The following CERKL variants were observed in gnomAD, a reference collection of about 807,000 sequenced individuals.
CERKL encodes CERK like autophagy regulator, also known as ceramide kinase-like protein.
In CERKL, 61 loss-of-function variants were observed where a neutral mutation model predicts 63.4. That is an observed-to-expected ratio of 0.96 (90% CI 0.78 to 1.19). CERKL has a LOEUF of 1.19. CERKL is among the 50% of genes most tolerant of loss of function. The pLI is 0.00. For synonymous variants in CERKL, 250 were observed against 230.5 expected (o/e 1.08, Z -0.77); for missense variants, 675 against 655.5 (o/e 1.03, Z -0.33).
chr2:181,583,241 T>C (rs1472467438), intron 2 of CERKL, among the ~76,000 whole-genome samples: 1 of 151,920 alleles, frequency 6.6e-6, no homozygotes, highest in East Asian at 1.9e-4. Context: ...GGATGATCAA[T>C]GTGTGTTAAA....
At position 181,624,372 on chromosome 2, in the gene CERKL, T is replaced by TA. The variant is rs59657204; in HGVS notation, c.239-20294dup. On this transcript the variant is annotated intron_variant, in intron 1 of 12. Transcript: ENST00000410087. ...GGGAGACCCCATCTCTAGTAAAAGTTAAAAAAAAAAAAAAATTAGTCAAGT... is the reference window on the plus strand; with the variant it reads ...GGGAGACCCCATCTCTAGTAAAAGTTAAAAAAAAAAAAAAAATTAGTCAAGT... Among the ~76,000 whole-genome samples, 782 of 141,868 alleles carry TA rather than the reference T, an allele frequency of 5.5e-3. 3 individuals carry two copies. The highest frequency in any genetic ancestry group is 0.01 in the Middle Eastern group (3 of 286). 93.1% of individuals were successfully genotyped at this position (141,868 alleles called of 152,430 possible). A position where few individuals can be genotyped will look rare whatever the true frequency, so the allele number is the denominator to read the frequency against.
intron 2 of CERKL, among the ~76,000 whole-genome samples, chr2:181,577,593 T>C (rs926217906): frequency 1.3e-5 from 2 of 151,790 alleles, no homozygotes; most frequent in African/African-American, 4.8e-5. Context: ...ATAAAGGAGA[T>C]TTTGCTAATA....
intron 2 of CERKL, among the ~76,000 whole-genome samples, chr2:181,592,162 ACATCCAC>A (rs1239001329): frequency 6.6e-5 from 10 of 152,162 alleles, no homozygotes; most frequent in Non-Finnish European, 1.3e-4. Flanking sequence ...CCAAGCACTT[ACATCCAC>A]CAGTACAAGA....
chr2:181,617,342 T>C (rs1686242288), intron 1 of CERKL: 1 of 152,206 alleles, frequency 6.6e-6, no homozygotes, highest in African/African-American at 2.4e-5. Flanking sequence ...CTGTTTTTCA[T>C]AGAACACCAC....
chr2:181,540,114 A>G (rs976727032), intron 11 of CERKL, among the ~76,000 whole-genome samples: 2 of 152,184 alleles, frequency 1.3e-5, no homozygotes, highest in African/African-American at 4.8e-5. Flanking sequence ...CATATTTTAC[A>G]TATGTAGATA....
chr2:181,577,374 G>A (rs563384540), intron 2 of CERKL, among the ~76,000 whole-genome samples: 1 of 152,120 alleles, frequency 6.6e-6, no homozygotes, highest in South Asian at 2.1e-4. Context: ...TTTAAGAGAG[G>A]AAAAAGGAAT....
chr2:181,583,656 A>G (rs1229479215), intron 2 of CERKL, among the ~76,000 whole-genome samples: 3 of 152,204 alleles, frequency 2.0e-5, no homozygotes, highest in African/African-American at 7.2e-5. Context: ...CTGAATCAAA[A>G]TTTCTGAGAG....
intron 1 of CERKL, among the ~76,000 whole-genome samples, chr2:181,635,436 C>A (rs1403459849): frequency 1.3e-5 from 2 of 151,988 alleles, no homozygotes; most frequent in East Asian, 3.8e-4. Flanking sequence ...GTCTAAATAT[C>A]TAGATAAATG....
intron 4 of CERKL, among the ~76,000 whole-genome samples, chr2:181,560,082 A>C (rs1688372907): frequency 6.6e-6 from 1 of 152,200 alleles, no homozygotes; most frequent in Non-Finnish European, 1.5e-5. Context: ...AAATCCTCAG[A>C]AGTCTGCAAA....
At chr2:181,648,063 A>G (rs952150384) in intron 1 of CERKL, among the ~76,000 whole-genome samples, 1 of 152,146 alleles carries the variant, frequency 6.6e-6, no homozygotes, top group African/African-American at 2.4e-5. Flanking sequence ...TTTTTGCATT[A>G]TAGAACTGGC....
At chr2:181,563,575 A>G (rs931425926) in intron 4 of CERKL, among the ~76,000 whole-genome samples, 2 of 134,712 alleles carry the variant, frequency 1.5e-5, no homozygotes, top group African/African-American at 6.1e-5. Context: ...TCTGTCTCTC[A>G]TCAAAATGCC....
intron 1 of CERKL, among the ~76,000 whole-genome samples, chr2:181,616,068 A>G (rs1010462476): frequency 6.6e-6 from 1 of 152,124 alleles, no homozygotes; most frequent in Non-Finnish European, 1.5e-5. Context: ...TGAATTTCCA[A>G]CTGCAATTTT....
chr2:181,604,726 G>A (rs891316681), intron 1 of CERKL, among the ~76,000 whole-genome samples: 1 of 152,098 alleles, frequency 6.6e-6, no homozygotes, highest in Non-Finnish European at 1.5e-5. Flanking sequence ...CAGCCTTAAC[G>A]AAAAGGAAAT....
In CERKL at chr2:181,573,835, A is replaced by G. The variant is rs758633572; in HGVS notation, c.531T>C (p.Ser177=). 6.2e-7 allele frequency: 1 copy of G among 1,612,452 alleles called. No individual in the cohort carries two copies. The highest frequency in any genetic ancestry group is 8.5e-7 in the Non-Finnish European group (1 of 1,179,174). The change falls in exon 3 of 13, where the codon AGT becomes AGC. Residue 177 remains serine, a synonymous_variant. Coordinates refer to ENST00000410087, the MANE Select transcript of CERKL (RefSeq NM_201548.5). The part of the protein sequence containing the change: ...KSLKILLNPQ[S]HKKEATQVYY... Reference sequence around the variant, plus strand: ...AAACCTGGGTAGCTTCTTTTTTGTGACTTTGGGGGTTAAGGAGTATTTTTA... The same window carrying G: ...AAACCTGGGTAGCTTCTTTTTTGTGGCTTTGGGGGTTAAGGAGTATTTTTA...
chr2:181,586,341 A>C (rs150303894), intron 2 of CERKL, among the ~76,000 whole-genome samples: 65 of 152,310 alleles, frequency 4.3e-4, no homozygotes, highest in African/African-American at 1.5e-3. Flanking sequence ...ATGCTCCAAC[A>C]CAAGGCATCA....
chr2:181,551,826 A>G (rs1334631556), intron 5 of CERKL, among the ~76,000 whole-genome samples: 2 of 152,198 alleles, frequency 1.3e-5, no homozygotes, highest in African/African-American at 4.8e-5. Flanking sequence ...CAAAGGTTTG[A>G]CTGCACTTTG....
chr2:181,646,019 G>A (rs375246260), intron 1 of CERKL, among the ~76,000 whole-genome samples: 66 of 152,310 alleles, frequency 4.3e-4, no homozygotes, highest in African/African-American at 1.5e-3. Context: ...CAGGTGACCA[G>A]AGAAAGCCTT....
At chr2:181,586,801 C>T (rs1409273561) in intron 2 of CERKL, among the ~76,000 whole-genome samples, 1 of 152,150 alleles carries the variant, frequency 6.6e-6, no homozygotes, top group Non-Finnish European at 1.5e-5. Context: ...CTCATGAGAG[C>T]GGCAGGGACG....
chr2:181,585,858 A>G (rs1684740940), intron 2 of CERKL, among the ~76,000 whole-genome samples: 1 of 152,210 alleles, frequency 6.6e-6, no homozygotes, highest in African/African-American at 2.4e-5. Flanking sequence ...AGCAGCCCGT[A>G]TGACACTAGT....
Sources: gnomAD v4.1 joint callset for allele counts (sites outside exome capture counted in the v4.1 genomes callset) on GRCh38, gnomAD v4.1.1 for gene constraint, MANE v1.5 for transcripts, NCBI Gene and HGNC (gene_info 2026-07-23, HGNC 2026-07-21) for gene names.